ITPK1: variants seen among roughly 807,000 people sequenced by gnomAD.
ITPK1 encodes inositol-tetrakisphosphate 1-kinase.
A neutral mutation model predicts 45.3 loss-of-function variants in ITPK1; 21 were observed. The observed-to-expected ratio is 0.46, with a 90% CI of 0.33 to 0.67. The LOEUF (loss-of-function observed/expected upper bound fraction) is 0.67. ITPK1 is among the 30% of genes least tolerant of loss of function. ITPK1 has a pLI of 0.02. For synonymous variants in ITPK1, 258 were observed against 253.6 expected (o/e 1.02, Z -0.16); for missense variants, 474 against 573.5 (o/e 0.83, Z 1.77).
intron 10 of ITPK1, among the ~76,000 whole-genome samples, chr14:92,943,186 T>C (rs1022718878): frequency 3.9e-5 from 6 of 152,242 alleles, no homozygotes; most frequent in African/African-American, 1.4e-4. Flanking sequence ...ATCTTCATAA[T>C]GCTGTCCCCA....
Position 92,941,137 on chromosome 14 carries a change from G to A in ITPK1, c.*424C>T, listed in dbSNP as rs1422130340. The A allele has an allele frequency of 1.2e-5, 15 of 1,207,740 alleles. 1 individual carries two copies. Among genetic ancestry groups the A allele is most frequent in the Middle Eastern group, 3.7e-4 (1 of 2,722 alleles). The allele number at this position is 1,207,740 out of a possible 1,614,324, so 74.8% of individuals were successfully genotyped here. ...GGCAGAAGGGAAGCCACTCTCACATGCACCGATCAGCCTCCCACAGCCCGA... is the reference window on the plus strand; with the variant it reads ...GGCAGAAGGGAAGCCACTCTCACATACACCGATCAGCCTCCCACAGCCCGA... On this transcript the variant is annotated 3_prime_UTR_variant, in exon 11 of 11. Coordinates refer to ENST00000267615, the MANE Select transcript of ITPK1 (RefSeq NM_014216.6).
chr14:93,105,482 C>G (rs1397604653), intron 2 of ITPK1, among the ~76,000 whole-genome samples: 1 of 151,042 alleles, frequency 6.6e-6, no homozygotes, highest in Non-Finnish European at 1.5e-5. Flanking sequence ...AGGGAGACTT[C>G]AGGATGTGTA....
At position 92,945,606 on chromosome 14, in the gene ITPK1, G is replaced by A. The variant is rs1171625121; in HGVS notation, c.901+725C>T. Among the ~76,000 whole-genome samples, 4 of 152,336 alleles carry A rather than the reference G, an allele frequency of 2.6e-5. No homozygotes were observed. The East Asian group carries it at 7.7e-4, about 29-fold the overall frequency. ...GCTCTGTCTCTGAGCTGCTGCGGGA[G>A]GTAAACAAGCCACTGAGCCTTGGTG... On this transcript the variant is annotated intron_variant, in intron 10 of 10. Coordinates refer to ENST00000267615, the MANE Select transcript of ITPK1 (RefSeq NM_014216.6).
rs1469943310 is a variant in ITPK1, at chr14:92,941,379, ACT to A, written c.*180_*181del. 4 of 1,416,196 alleles carry A rather than the reference ACT, an allele frequency of 2.8e-6. No individual in the cohort carries two copies. The African/African-American group carries it at 5.9e-5, about 21-fold the overall frequency. The allele number at this position is 1,416,196 out of a possible 1,614,324, so 87.7% of individuals were successfully genotyped here. On this transcript the variant is annotated 3_prime_UTR_variant, in exon 11 of 11. Coordinates refer to ENST00000267615, the MANE Select transcript of ITPK1 (RefSeq NM_014216.6). ...ACTCCCCAACGGTGGACCACCTGGT[ACT>A]CTCTTCCATCCCCCACTACCCCTCA...
rs74484059 is a variant in ITPK1 at position 93,071,302 on chromosome 14, A to C, written c.120+5293T>G. ...CAGTTCTGGGCCCCAGAGTCAGCCC[A>C]GTCCAGCCCAGCCCCATCAGGGCCT... On this transcript the variant is annotated intron_variant, in intron 3 of 10. Transcript: ENST00000267615. 4.4e-3 allele frequency: 671 copies of C among 152,448 alleles called. 4 individuals are homozygous for C. Among genetic ancestry groups the C allele is most frequent in the Non-Finnish European group, 5.4e-3 (367 of 68,074 alleles). The allele number at this position is 152,448 out of a possible 1,614,324, so 9.4% of individuals were successfully genotyped here.
chr14:93,030,376 C>T (rs1374817582), intron 3 of ITPK1, among the ~76,000 whole-genome samples: 3 of 152,278 alleles, frequency 2.0e-5, no homozygotes, highest in African/African-American at 4.8e-5. Context: ...CTCAAAGCCT[C>T]AGTTTGTGTG....
rs1884868116 is a variant in ITPK1, at chr14:92,958,417, C to A, written c.505-51G>T. 2 of 1,583,972 alleles carry A rather than the reference C, an allele frequency of 1.3e-6. No individual in the cohort carries two copies. The highest frequency in any genetic ancestry group is 1.3e-5 in the African/African-American group (1 of 74,516). On this transcript the variant is annotated intron_variant, in intron 7 of 10. Coordinates refer to ENST00000267615, the MANE Select transcript of ITPK1 (RefSeq NM_014216.6). This position sits in a 1 kb window ranked among gnomAD's most constrained non-coding sequence, Gnocchi z 4.4. ...CTGTCAGAATCCACCACCTTCTCAG[C>A]CTCCAACACACAGGTGTGTCACCTG... is the stretch of plus-strand genomic sequence containing the variant.
chr14:93,046,118 G>A (rs954816507), intron 3 of ITPK1, among the ~76,000 whole-genome samples: 1 of 152,204 alleles, frequency 6.6e-6, no homozygotes, highest in Non-Finnish European at 1.5e-5. Flanking sequence ...GTCTGGGGCA[G>A]TCAAGCCGCA....
chr14:93,041,934 C>G (rs185324434), intron 3 of ITPK1, among the ~76,000 whole-genome samples: 1 of 152,292 alleles, frequency 6.6e-6, no homozygotes, highest in Admixed American at 6.5e-5. Flanking sequence ...CCATATGTTC[C>G]TGGTAGCAAG....
chr14:93,006,141 G>T (rs528136050), intron 4 of ITPK1, among the ~76,000 whole-genome samples: 10 of 152,226 alleles, frequency 6.6e-5, no homozygotes, highest in South Asian at 2.1e-4. Flanking sequence ...GCTGAGAGCC[G>T]AGCAGTGGTG....
At chr14:93,082,980 G>T (rs1017698431) in intron 2 of ITPK1, among the ~76,000 whole-genome samples, 2 of 152,224 alleles carry the variant, frequency 1.3e-5, no homozygotes, top group Admixed American at 6.5e-5. Flanking sequence ...GCTTTCTGTC[G>T]CTGGCCGCTG....
intron 3 of ITPK1, chr14:93,066,500 G>A (rs967031088): frequency 6.6e-5 from 21 of 320,154 alleles, no homozygotes; most frequent in Middle Eastern, 1.1e-3. Flanking sequence ...CGCCTCCCGC[G>A]TTCGCGCCAT....
rs1348806668 is a variant in ITPK1 at position 93,056,179 on chromosome 14, G to C, written c.120+20416C>G. 2.0e-5 allele frequency among the ~76,000 whole-genome samples: 3 copies of C among 152,196 alleles called. No homozygotes were observed. In the East Asian group the frequency reaches 5.8e-4, roughly 29 times the overall value. ...ACTGGTGTGTGCAAAGCAGGAGAGTGGCCTGGGTGCAGCAGGGTTGAGAGG... is the reference window on the plus strand; with the variant it reads ...ACTGGTGTGTGCAAAGCAGGAGAGTCGCCTGGGTGCAGCAGGGTTGAGAGG... On this transcript the variant is annotated intron_variant, in intron 3 of 10. Coordinates refer to ENST00000267615, the MANE Select transcript of ITPK1 (RefSeq NM_014216.6).
intron 3 of ITPK1, among the ~76,000 whole-genome samples, chr14:93,064,149 G>A (rs1890649146): frequency 2.0e-5 from 3 of 152,214 alleles, no homozygotes; most frequent in Admixed American, 1.3e-4. Flanking sequence ...CGGGCGTGGT[G>A]GCGGGCACCT....
chr14:92,962,715 G>T (rs2295392), intron 6 of ITPK1, 36 bp downstream of exon 6: 1 of 1,501,194 alleles, frequency 6.7e-7, no homozygotes, highest in Non-Finnish European at 9.3e-7. Context: ...GCGGTCTACA[G>T]CGCCTGCCCT....
intron 2 of ITPK1, among the ~76,000 whole-genome samples, chr14:93,082,262 C>T (rs73333923): frequency 1.4e-4 from 21 of 152,270 alleles, no homozygotes; most frequent in South Asian, 1.0e-3. Flanking sequence ...GCCCAGGAGA[C>T]GAGAGAACAC....
At chr14:92,961,951 G>A (rs972009339) in intron 7 of ITPK1, among the ~76,000 whole-genome samples, 15 of 152,270 alleles carry the variant, frequency 9.9e-5, no homozygotes, top group Non-Finnish European at 1.9e-4. Context: ...AAGGTAGGAA[G>A]AGAGCCCTCA....
chr14:92,958,213 C>T lies in ITPK1; in HGVS notation c.658G>A (p.Ala220Thr), dbSNP rs772113987. Reference protein sequence around the residue: ...VQRPSLKNFSAGTSDRESIFF... With the variant: ...VQRPSLKNFSTGTSDRESIFF... ...GAAGAGCAGTTACCTGATGTGCCTGCGGAGAAGTTCTTGAGTGAGGGCCTC... is the reference window on the plus strand; with the variant it reads ...GAAGAGCAGTTACCTGATGTGCCTGTGGAGAAGTTCTTGAGTGAGGGCCTC... Residue 220 changes from alanine to threonine, a missense_variant, in exon 8 of 11, where the codon GCA becomes ACA. Around this residue, in one of 2 missense-constraint regions of ITPK1, gnomAD observed 367 missense variants for 480.6 expected, o/e 0.76. Coordinates refer to ENST00000267615, the MANE Select transcript of ITPK1 (RefSeq NM_014216.6). This position sits in a 1 kb window ranked among gnomAD's most constrained non-coding sequence, Gnocchi z 4.4. 1.4e-5 allele frequency: 22 copies of T among 1,613,974 alleles called. No individual in the cohort carries two copies. Among genetic ancestry groups the T allele is most frequent in the Middle Eastern group, 1.6e-4 (1 of 6,084 alleles).
At chr14:92,996,761 A>C (rs1887077606) in intron 4 of ITPK1, among the ~76,000 whole-genome samples, 1 of 151,662 alleles carries the variant, frequency 6.6e-6, no homozygotes, top group South Asian at 2.1e-4. Flanking sequence ...GGCTGTCCTC[A>C]CTCCCTTCCC....
Sources: allele counts gnomAD v4.1 joint callset (sites outside exome capture counted in the v4.1 genomes callset), GRCh38; gene constraint gnomAD v4.1.1; regional missense constraint gnomAD v4.1.1; non-coding constraint Gnocchi (gnomAD v3.1); transcripts MANE v1.5; gene names NCBI Gene and HGNC (gene_info 2026-07-23, HGNC 2026-07-21).